The following PFKP variants were observed in gnomAD, a reference collection of about 807,000 sequenced individuals.
PFKP encodes the protein phosphofructokinase, platelet, also known as ATP-dependent 6-phosphofructokinase, platelet type.
In PFKP, 101 loss-of-function variants were observed where a neutral mutation model predicts 94.3. That is an observed-to-expected ratio of 1.07 (90% CI 0.91 to 1.26). The LOEUF is 1.26. Among genes scored for constraint, PFKP ranks in the 50% most tolerant of loss-of-function variants. The pLI, the probability that PFKP is intolerant of heterozygous loss-of-function variation, is 0.00. For synonymous variants in PFKP, 573 were observed against 432.6 expected, an observed-to-expected ratio of 1.32 and a Z score of -4.03; for missense variants, 1,145 against 1,103.3, an observed-to-expected ratio of 1.04 and a Z score of -0.53.
At chr10:3,068,878 G>C (rs1020694968) in intron 1 of PFKP, 2 of 210,908 alleles carry the variant, frequency 9.5e-6, no homozygotes, top group African/African-American at 4.7e-5. Flanking sequence ...GGAAAGGCCC[G>C]GATGGCGGAT....
chr10:3,107,569 G>A (rs530101545), intron 8 of PFKP, among the ~76,000 whole-genome samples: 13 of 152,354 alleles, frequency 8.5e-5, no homozygotes, highest in African/African-American at 1.4e-4. Context: ...GGGTCAGCTC[G>A]AGTGGCCACG....
In PFKP at chr10:3,067,612, C is replaced by T. The variant is rs1401039990; in HGVS notation, c.17C>T (p.Ser6Phe). 10 of 1,529,566 alleles carry T rather than the reference C, an allele frequency of 6.5e-6. No individual in the cohort carries two copies. Among genetic ancestry groups the T allele is most frequent in the Non-Finnish European group, 7.9e-6 (9 of 1,137,618 alleles). The allele number at this position is 1,529,566 out of a possible 1,614,324, so 94.7% of individuals were successfully genotyped here. ...CTCCTCGCCATGGACGCGGACGACT[C>T]CCGGGCCCCCAAGGGCTCCTTGCGG... Reference protein sequence around the residue: MDADDSRAPKGSLRKF... With the variant: MDADDFRAPKGSLRKF... The change falls in exon 1 of 22, where the codon TCC becomes TTC. Residue 6 changes from serine to phenylalanine, a missense_variant. Around this residue, in one of 3 missense-constraint regions of PFKP, gnomAD observed 1,119 missense variants for 1,062.8 expected, o/e 1.05. Coordinates refer to ENST00000381125, the MANE Select transcript of PFKP (RefSeq NM_002627.5).
intron 10 of PFKP, among the ~76,000 whole-genome samples, chr10:3,111,574 G>A (rs764620750): frequency 4.3e-4 from 66 of 152,246 alleles, no homozygotes; most frequent in Admixed American, 5.9e-4. Flanking sequence ...TTTGTCAGGC[G>A]TCTTCCTGAG....
intron 4 of PFKP, among the ~76,000 whole-genome samples, chr10:3,101,976 G>C (rs1044981717): frequency 3.0e-4 from 45 of 152,150 alleles, no homozygotes; most frequent in African/African-American, 9.9e-4. Flanking sequence ...GTTGGGCCGG[G>C]CGCGGTGGCT....
intron 1 of PFKP, among the ~76,000 whole-genome samples, chr10:3,080,100 AGG>A (rs1477393676): frequency 8.4e-5 from 8 of 95,234 alleles, no homozygotes; most frequent in South Asian, 7.9e-4. Context: ...GTTCAGGAAC[AGG>A]AGCCTCCGAG....
intron 1 of PFKP, among the ~76,000 whole-genome samples, chr10:3,079,909 G>A (rs1832913184): frequency 6.6e-6 from 1 of 152,168 alleles, no homozygotes; most frequent in Admixed American, 6.5e-5. Flanking sequence ...GAGGCCAAGG[G>A]GGCGGGAGGC....
intron 19 of PFKP, among the ~76,000 whole-genome samples, chr10:3,134,017 T>C (rs1219573160): frequency 3.3e-5 from 5 of 152,186 alleles, no homozygotes; most frequent in Non-Finnish European, 7.4e-5. Context: ...GAGCTGAGCC[T>C]GGGACACAGG....
chr10:3,095,015 T>C (rs1408904248), intron 2 of PFKP, among the ~76,000 whole-genome samples: 2 of 152,154 alleles, frequency 1.3e-5, no homozygotes, highest in Non-Finnish European at 2.9e-5. Context: ...TAGGAGCTTG[T>C]TTTATTCTGG....
intron 10 of PFKP, 59 bp from the exon 11 acceptor site, chr10:3,112,163 C>G (rs1045711994): frequency 3.1e-5 from 43 of 1,367,060 alleles, no homozygotes; most frequent in Non-Finnish European, 4.4e-5. Context: ...CTACCTACCC[C>G]ATCCATGATG....
At chr10:3,110,078 C>T (rs1836023954) in intron 10 of PFKP, among the ~76,000 whole-genome samples, 1 of 152,196 alleles carries the variant, frequency 6.6e-6, no homozygotes. Flanking sequence ...TACACCCACC[C>T]TTCTTGGGCC....
At chr10:3,110,719 T>C (rs1254598838) in intron 10 of PFKP, among the ~76,000 whole-genome samples, 1 of 152,086 alleles carries the variant, frequency 6.6e-6, no homozygotes, top group African/African-American at 2.4e-5. Context: ...TCTGTGTGTA[T>C]GTATGTATAT....
At chr10:3,074,855 C>T (rs1029653976) in intron 1 of PFKP, among the ~76,000 whole-genome samples, 2 of 152,092 alleles carry the variant, frequency 1.3e-5, no homozygotes, top group Non-Finnish European at 2.9e-5. Context: ...CGTAACCCAG[C>T]GGCGCTAGAG....
intron 18 of PFKP, among the ~76,000 whole-genome samples, chr10:3,132,756 C>A (rs145627349): frequency 6.6e-6 from 1 of 152,240 alleles, no homozygotes; most frequent in Non-Finnish European, 1.5e-5. Context: ...TGTCCCAAGA[C>A]TGCAGTGGGT....
chr10:3,088,516 G>A (rs1250440347), intron 2 of PFKP, among the ~76,000 whole-genome samples: 1 of 152,112 alleles, frequency 6.6e-6, no homozygotes, highest in Non-Finnish European at 1.5e-5. Flanking sequence ...CGTTGCCTGG[G>A]GGTGATCCCG....
intron 1 of PFKP, among the ~76,000 whole-genome samples, chr10:3,072,109 G>T (rs1320729099): frequency 6.6e-6 from 1 of 152,276 alleles, no homozygotes; most frequent in Non-Finnish European, 1.5e-5. Flanking sequence ...CCACTGAGGA[G>T]CAGGAAACCA....
intron 18 of PFKP, 109 bp from the exon 19 acceptor site, chr10:3,133,094 C>A: frequency 1.3e-6 from 1 of 773,802 alleles, no homozygotes; most frequent in South Asian, 1.5e-5. Flanking sequence ...GTAGAATCAC[C>A]ATAGGGTTGG....
intron 1 of PFKP, chr10:3,068,618 C>T (rs952251151): frequency 5.3e-4 from 520 of 975,162 alleles, no homozygotes; most frequent in Non-Finnish European, 6.0e-4. Context: ...GCGGGCGCGC[C>T]GGGAGGATAT....
In PFKP at chr10:3,107,272, C is replaced by T. The variant is rs558520595; in HGVS notation, c.833C>T (p.Thr278Ile). Residue 278 changes from threonine (T) to isoleucine (I), a missense_variant, in exon 8 of 22, where the codon ACC (threonine) becomes ATC (isoleucine). Coordinates refer to ENST00000381125, the MANE Select transcript of PFKP (RefSeq NM_002627.5). ...IIIVAEGAID[T>I]QNKPITSEKI... is the part of the protein sequence containing the mutation. Reference sequence around the variant, plus strand: ...ATTGTGGCTGAAGGAGCAATTGATACCCAAAATAAACCCATCACCTCTGAG... The same window carrying T: ...ATTGTGGCTGAAGGAGCAATTGATATCCAAAATAAACCCATCACCTCTGAG... The T allele has an allele frequency of 6.2e-7, 1 of 1,611,634 alleles. No homozygotes were observed. The highest frequency in any genetic ancestry group is 1.1e-5 in the South Asian group (1 of 91,010).
Position 3,099,325 on chromosome 10 carries a change from G to A in PFKP, c.237G>A (p.Trp79Ter). 2 of 1,614,162 alleles carry A rather than the reference G, an allele frequency of 1.2e-6. No individual in the cohort carries two copies. The highest frequency in any genetic ancestry group is 8.5e-7 in the Non-Finnish European group (1 of 1,179,982). The change falls in exon 3 of 22, where the codon TGG becomes TGA. Residue 79 changes from tryptophan (W) to a stop codon, truncating the protein, a stop_gained. Coordinates refer to ENST00000381125, the MANE Select transcript of PFKP (RefSeq NM_002627.5). LOFTEE classifies it high-confidence loss of function. ...DGGSNIAEAD[W>*]ESVSSILQVG... ...GCTCAAACATCGCAGAGGCCGACTG[G>A]GAGAGTGTCTCCAGCATCCTGCAAG...
Sources: allele counts gnomAD v4.1 joint callset (sites outside exome capture counted in the v4.1 genomes callset), GRCh38; gene constraint gnomAD v4.1.1; regional missense constraint gnomAD v4.1.1; transcripts MANE v1.5; gene names NCBI Gene and HGNC (gene_info 2026-07-23, HGNC 2026-07-21).